The following MGMT variants were observed in gnomAD, a reference collection of about 807,000 sequenced individuals.
MGMT encodes the protein O-6-methylguanine-DNA methyltransferase.
Under a neutral mutation model 15.9 loss-of-function variants are expected in MGMT, and 14 were observed. The ratio of observed to expected loss-of-function variants is 0.88; its 90% CI spans 0.58 to 1.37. The LOEUF (loss-of-function observed/expected upper bound fraction) is 1.37, where lower values mean the gene tolerates loss of function less well. MGMT is among the 40% of genes most tolerant of loss of function. MGMT has a pLI of 0.00. For missense variants in MGMT, 282 were observed against 268.1 expected (o/e 1.05, Z -0.36); for synonymous variants, 130 against 118.2 (o/e 1.10, Z -0.65).
chr10:129,645,905 G>A (rs1161506090), intron 2 of MGMT, among the ~76,000 whole-genome samples: 2 of 152,180 alleles, frequency 1.3e-5, no homozygotes, highest in African/African-American at 2.4e-5. Context: ...TCCTCTGATG[G>A]CAGCCCAGTG....
At chr10:129,763,145 C>T (rs954386087) in intron 4 of MGMT, among the ~76,000 whole-genome samples, 4 of 151,970 alleles carry the variant, frequency 2.6e-5, no homozygotes, top group Non-Finnish European at 5.9e-5. Context: ...GATGGATTCA[C>T]GTATTGGATG....
At chr10:129,540,805 T>C (rs1846034697) in intron 2 of MGMT, among the ~76,000 whole-genome samples, 1 of 152,258 alleles carries the variant, frequency 6.6e-6, no homozygotes, top group Non-Finnish European at 1.5e-5. Context: ...GGATGCCATC[T>C]GGGTCTGGTG....
At chr10:129,489,803 A>T (rs2119654075) in intron 1 of MGMT, among the ~76,000 whole-genome samples, 1 of 152,184 alleles carries the variant, frequency 6.6e-6, no homozygotes, top group East Asian at 1.9e-4. Context: ...ATTAATTTTC[A>T]TGTCATCTTT....
intron 2 of MGMT, among the ~76,000 whole-genome samples, chr10:129,555,191 G>A (rs550530395): frequency 2.6e-5 from 4 of 152,258 alleles, no homozygotes; most frequent in Admixed American, 2.0e-4. Context: ...TATTTCATAG[G>A]CCTCCTTAGA....
At chr10:129,614,722 A>G (rs1475116932) in intron 2 of MGMT, among the ~76,000 whole-genome samples, 1 of 152,170 alleles carries the variant, frequency 6.6e-6, no homozygotes, top group Non-Finnish European at 1.5e-5. Context: ...GTCAGATGTG[A>G]CAGGCAATCT....
rs1848733355 is a variant in MGMT at position 129,749,790 on chromosome 10, GTCACTGTTTGGATTTTTAGCCAT to G, written c.275-9409_275-9387del. ...ATCCTTGCCAGCAGTTTTTGGTACT[GTCACTGTTTGGATTTTTAGCCAT>G]TCTAAAAGCCATTGTAATCATATTC... On this transcript the variant is annotated intron_variant, in intron 3 of 4. Transcript: ENST00000651593. Among the ~76,000 whole-genome samples, 4 of 152,098 alleles carry G rather than the reference GTCACTGTTTGGATTTTTAGCCAT, an allele frequency of 2.6e-5. No individual in the cohort carries two copies. The South Asian group carries it at 8.3e-4, about 32-fold the overall frequency.
chr10:129,490,670 T>C (rs939109325), intron 1 of MGMT, among the ~76,000 whole-genome samples: 5 of 152,200 alleles, frequency 3.3e-5, no homozygotes, highest in Non-Finnish European at 7.3e-5. Flanking sequence ...CTTTATTTTT[T>C]AATTATTTAG....
At chr10:129,521,967 G>A (rs1234875808) in intron 1 of MGMT, among the ~76,000 whole-genome samples, 1 of 152,242 alleles carries the variant, frequency 6.6e-6, no homozygotes, top group African/African-American at 2.4e-5. Context: ...GGGCACGCAG[G>A]GCCGATGGGA....
At chr10:129,718,772 CCTTT>C (rs1848331517) in intron 3 of MGMT, among the ~76,000 whole-genome samples, 1 of 152,110 alleles carries the variant, frequency 6.6e-6, no homozygotes, top group African/African-American at 2.4e-5. Context: ...AGGTGTGTCA[CCTTT>C]CTGAGATGTC....
At chr10:129,764,619 C>T (rs74160286) in intron 4 of MGMT, among the ~76,000 whole-genome samples, 2 of 152,234 alleles carry the variant, frequency 1.3e-5, no homozygotes, top group South Asian at 2.1e-4. Context: ...GAGGGTGGAG[C>T]GTGGGGAAGC....
chr10:129,666,413 T>G (rs1349551613), intron 2 of MGMT, among the ~76,000 whole-genome samples: 1 of 152,166 alleles, frequency 6.6e-6, no homozygotes. Context: ...GAATATGCTG[T>G]TTTTTCACTT....
At chr10:129,626,788 A>C (rs1413496513) in intron 2 of MGMT, among the ~76,000 whole-genome samples, 1 of 152,242 alleles carries the variant, frequency 6.6e-6, no homozygotes, top group Non-Finnish European at 1.5e-5. Context: ...TTTAAGATGC[A>C]CTATAATTAC....
chr10:129,567,141 C>T (rs1846363966), intron 2 of MGMT, among the ~76,000 whole-genome samples: 1 of 152,170 alleles, frequency 6.6e-6, no homozygotes, highest in Non-Finnish European at 1.5e-5. Context: ...TGCCTTTGTG[C>T]TTCTCCCGCC....
chr10:129,737,551 A>G lies in MGMT; in HGVS notation c.275-21651A>G, dbSNP rs371849158. ...GATCGTCTGAAGCCTTCTTCTCTCAACTCGTCAAAGTCATTCTCCATCCAG... is the reference window on the plus strand; with the variant it reads ...GATCGTCTGAAGCCTTCTTCTCTCAGCTCGTCAAAGTCATTCTCCATCCAG... On this transcript the variant is annotated intron_variant, in intron 3 of 4. Coordinates refer to ENST00000651593, the MANE Select transcript of MGMT (RefSeq NM_002412.5). Among the ~76,000 whole-genome samples the G allele has an allele frequency of 9.2e-5, 14 of 152,150 alleles. No individual in the cohort carries two copies. In the East Asian group the frequency reaches 1.5e-3, roughly 17 times the overall value.
chr10:129,567,333 A>G (rs943250228), intron 2 of MGMT, among the ~76,000 whole-genome samples: 7 of 150,972 alleles, frequency 4.6e-5, no homozygotes, highest in Non-Finnish European at 1.0e-4. Flanking sequence ...CCATGTCCCC[A>G]TCATAGACCC....
chr10:129,678,073 C>T (rs529100989), intron 2 of MGMT, among the ~76,000 whole-genome samples: 21 of 152,214 alleles, frequency 1.4e-4, no homozygotes, highest in African/African-American at 3.9e-4. Flanking sequence ...TGTCCAGAAA[C>T]GCTCCTCTCG....
At chr10:129,508,790 A>G (rs12248342) in intron 1 of MGMT, among the ~76,000 whole-genome samples, 10,425 of 151,874 alleles carry the variant, frequency 0.069, 1,192 homozygotes, top group African/African-American at 0.24. Context: ...CAGGTGATCC[A>G]CCCGTCTCGG....
At chr10:129,666,421 C>T (rs1847659537) in intron 2 of MGMT, among the ~76,000 whole-genome samples, 1 of 152,004 alleles carries the variant, frequency 6.6e-6, no homozygotes, top group South Asian at 2.1e-4. Context: ...TGTTTTTTCA[C>T]TTATTCAGCA....
At chr10:129,702,552 A>T (rs962898496) in intron 2 of MGMT, among the ~76,000 whole-genome samples, 1 of 151,874 alleles carries the variant, frequency 6.6e-6, no homozygotes, top group Non-Finnish European at 1.5e-5. Flanking sequence ...AAGGGATGGG[A>T]TAGGAAGGGG....
Sources: allele counts gnomAD v4.1 joint callset (sites outside exome capture counted in the v4.1 genomes callset), GRCh38; gene constraint gnomAD v4.1.1; transcripts MANE v1.5; gene names NCBI Gene and HGNC (gene_info 2026-07-23, HGNC 2026-07-21).